CSMD1: variants seen among roughly 807,000 people sequenced by gnomAD.
CSMD1 encodes CUB and Sushi multiple domains 1.
In CSMD1, 213 loss-of-function variants were observed where a neutral mutation model predicts 417.5. The ratio of observed to expected loss-of-function variants is 0.51; its 90% CI spans 0.46 to 0.57. The LOEUF (loss-of-function observed/expected upper bound fraction) is 0.57, where lower values mean the gene tolerates loss of function less well. CSMD1 is among the 20% of genes least tolerant of loss of function. The pLI, the probability that CSMD1 is intolerant of heterozygous loss-of-function variation, is 0.00. For synonymous variants in CSMD1, 2,862 were observed against 1,736.8 expected, an observed-to-expected ratio of 1.65 and a Z score of -16.11; for missense variants, 6,923 against 4,529.7, an observed-to-expected ratio of 1.53 and a Z score of -15.17.
chr8:4,596,427 C>T (rs916703882), intron 2 of CSMD1, among the ~76,000 whole-genome samples: 2 of 152,046 alleles, frequency 1.3e-5, no homozygotes, highest in African/African-American at 4.8e-5. Context: ...CATTTCTAAA[C>T]AAATATAGCA....
intron 3 of CSMD1, among the ~76,000 whole-genome samples, chr8:4,196,635 C>A (rs541913356): frequency 6.6e-6 from 1 of 152,260 alleles, no homozygotes; most frequent in East Asian, 1.9e-4. Context: ...ATGCTGGGTC[C>A]AGTCCTCATT....
At chr8:4,256,419 A>T (rs1253775745) in intron 3 of CSMD1, among the ~76,000 whole-genome samples, 2 of 152,238 alleles carry the variant, frequency 1.3e-5, no homozygotes, top group South Asian at 2.1e-4. Context: ...CTCTGAAAAT[A>T]GCACAGAATT....
At chr8:3,769,161 T>C (rs1408771507) in intron 5 of CSMD1, among the ~76,000 whole-genome samples, 1 of 152,214 alleles carries the variant, frequency 6.6e-6, no homozygotes, top group African/African-American at 2.4e-5. Flanking sequence ...AAACTTACAA[T>C]TTCCCCTTGC....
chr8:4,337,859 T>C (rs1800259323), intron 3 of CSMD1, among the ~76,000 whole-genome samples: 1 of 152,178 alleles, frequency 6.6e-6, no homozygotes, highest in Non-Finnish European at 1.5e-5. Context: ...GTAAAGACTT[T>C]AAGAGTAAAA....
At chr8:4,634,676 G>A (rs1406062115) in intron 2 of CSMD1, among the ~76,000 whole-genome samples, 1 of 152,140 alleles carries the variant, frequency 6.6e-6, no homozygotes, top group African/African-American at 2.4e-5. Context: ...ATAAACAACT[G>A]TTTCAAGGCA....
intron 26 of CSMD1, among the ~76,000 whole-genome samples, chr8:3,279,371 C>T (rs142612806): frequency 4.9e-4 from 74 of 152,270 alleles, no homozygotes; most frequent in African/African-American, 1.5e-3. Flanking sequence ...CTTGTCAACT[C>T]GAATGCATGG....
intron 1 of CSMD1, chr8:4,787,999 G>A: frequency 6.3e-7 from 1 of 1,591,718 alleles, no homozygotes; most frequent in Non-Finnish European, 8.6e-7. Context: ...GACAAACAGT[G>A]TTATCGGGAT....
At chr8:4,574,306 C>A (rs1430814967) in intron 2 of CSMD1, among the ~76,000 whole-genome samples, 1 of 152,174 alleles carries the variant, frequency 6.6e-6, no homozygotes, top group Non-Finnish European at 1.5e-5. Flanking sequence ...GTGGGAAAAG[C>A]ATGCTATCTG....
chr8:4,288,335 C>T (rs1245240288), intron 3 of CSMD1, among the ~76,000 whole-genome samples: 1 of 152,132 alleles, frequency 6.6e-6, no homozygotes, highest in Non-Finnish European at 1.5e-5. Flanking sequence ...TCCCTTCACC[C>T]TTCAATTTTC....
rs551392381 is a variant in CSMD1 at position 4,317,391 on chromosome 8, G to A, written c.415+102562C>T. Among the ~76,000 whole-genome samples, 9 of 152,270 alleles carry A rather than the reference G, an allele frequency of 5.9e-5. No homozygotes were observed. In the South Asian group the frequency reaches 1.2e-3, roughly 21 times the overall value. On this transcript the variant is annotated intron_variant, in intron 3 of 69. Coordinates refer to ENST00000635120, the MANE Select transcript of CSMD1 (RefSeq NM_033225.6). Reference sequence around the variant, plus strand: ...TGTGGCTCTTTCATTCTACCCTGCTGTAAAACTCAAATGGTTACAAAACCA... The same window carrying A: ...TGTGGCTCTTTCATTCTACCCTGCTATAAAACTCAAATGGTTACAAAACCA...
chr8:3,226,357 C>T (rs1266955916), intron 27 of CSMD1, among the ~76,000 whole-genome samples: 4 of 152,040 alleles, frequency 2.6e-5, no homozygotes, highest in East Asian at 3.9e-4. Flanking sequence ...CCAAGGTGGG[C>T]GGATCATCTG....
chr8:4,115,235 G>C (rs181981490), intron 3 of CSMD1, among the ~76,000 whole-genome samples: 5 of 152,318 alleles, frequency 3.3e-5, no homozygotes, highest in South Asian at 2.1e-4. Flanking sequence ...ATTGAGGCAA[G>C]AGCTTCCAGT....
chr8:4,175,576 T>C (rs1011278708), intron 3 of CSMD1, among the ~76,000 whole-genome samples: 37 of 152,100 alleles, frequency 2.4e-4, no homozygotes, highest in African/African-American at 8.5e-4. Context: ...TTTTGAAAGG[T>C]ATATTAGGAG....
At chr8:4,092,756 A>T (rs1585297426) in intron 3 of CSMD1, among the ~76,000 whole-genome samples, 1 of 152,132 alleles carries the variant, frequency 6.6e-6, no homozygotes. Flanking sequence ...TTTAAATATA[A>T]CTTTTATTCC....
chr8:3,394,023 TATATATATATATATATA>T lies in CSMD1; in HGVS notation c.2593+2154_2593+2170del, dbSNP rs1811528860. Reference sequence around the variant, plus strand: ...AATAAAAAAATAAATTATATATATATATATATATATATATATATATATATATATATATAGAAAAAAAG... The same window carrying T: ...AATAAAAAAATAAATTATATATATATTATATATATATATATAGAAAAAAAG... On this transcript the variant is annotated intron_variant, in intron 17 of 69. Coordinates refer to ENST00000635120, the MANE Select transcript of CSMD1 (RefSeq NM_033225.6). Among the ~76,000 whole-genome samples the T allele has an allele frequency of 1.5e-3, 145 of 96,120 alleles. 6 individuals carry two copies. The highest frequency in any genetic ancestry group is 1.9e-3 in the Non-Finnish European group (92 of 49,298). 63.1% of individuals were successfully genotyped at this position (96,120 alleles called of 152,430 possible).
chr8:4,037,666 G>C (rs922106316), intron 3 of CSMD1, among the ~76,000 whole-genome samples: 2 of 152,076 alleles, frequency 1.3e-5, no homozygotes, highest in African/African-American at 4.8e-5. Context: ...TTTCCCATCA[G>C]TATTGATTTT....
At chr8:4,399,364 T>C (rs571118089) in intron 3 of CSMD1, among the ~76,000 whole-genome samples, 2 of 152,178 alleles carry the variant, frequency 1.3e-5, no homozygotes, top group African/African-American at 2.4e-5. Flanking sequence ...AATTACAGAA[T>C]AAAATAATTA....
chr8:3,311,258 C>CTT (rs745954610), intron 23 of CSMD1, among the ~76,000 whole-genome samples: 2 of 149,450 alleles, frequency 1.3e-5, no homozygotes, highest in Non-Finnish European at 1.5e-5. Flanking sequence ...TAACAAACAA[C>CTT]TTTTTTTTTT....
intron 11 of CSMD1, among the ~76,000 whole-genome samples, chr8:3,483,240 A>G (rs1817843302): frequency 6.6e-6 from 1 of 152,126 alleles, no homozygotes; most frequent in African/African-American, 2.4e-5. Flanking sequence ...AAGTCAGAAA[A>G]AGAGAAAGGG....
Sources: gnomAD v4.1 joint callset for allele counts (sites outside exome capture counted in the v4.1 genomes callset) on GRCh38, gnomAD v4.1.1 for gene constraint, MANE v1.5 for transcripts, NCBI Gene and HGNC (gene_info 2026-07-23, HGNC 2026-07-21) for gene names.